KAT14: variants seen among roughly 807,000 people sequenced by gnomAD.
KAT14 encodes the protein cysteine-rich protein 2-binding protein.
Under a neutral mutation model 78.4 loss-of-function variants are expected in KAT14, and 66 were observed. The observed-to-expected ratio is 0.84, with a 90% CI of 0.69 to 1.03. The LOEUF (loss-of-function observed/expected upper bound fraction) is 1.03, where lower values mean the gene tolerates loss of function less well. Ranked by LOEUF, KAT14 falls within the 50% of genes least tolerant of loss-of-function variation. The pLI is 0.00. For missense variants in KAT14, 870 were observed against 972.5 expected (o/e 0.89, Z 1.40); for synonymous variants, 344 against 359.4 (o/e 0.96, Z 0.48).
At chr20:18,164,012 G>C (rs890797438) in intron 7 of KAT14, among the ~76,000 whole-genome samples, 2 of 152,220 alleles carry the variant, frequency 1.3e-5, no homozygotes, top group South Asian at 4.1e-4. Flanking sequence ...CAACTCTGCT[G>C]TTGTGATTGG....
intron 7 of KAT14, 81 bp downstream of exon 7, chr20:18,163,026 A>C (rs533501413): frequency 2.7e-6 from 4 of 1,484,448 alleles, no homozygotes; most frequent in Non-Finnish European, 3.6e-6. Context: ...GGACATGGTT[A>C]TGCTGTGACC....
intron 9 of KAT14, among the ~76,000 whole-genome samples, chr20:18,184,355 C>T (rs946982837): frequency 1.3e-5 from 2 of 152,088 alleles, no homozygotes; most frequent in Admixed American, 1.3e-4. Flanking sequence ...ATTCTGAACC[C>T]GTGCACTGCT....
intron 7 of KAT14, among the ~76,000 whole-genome samples, chr20:18,175,285 G>A (rs1425139407): frequency 6.6e-6 from 1 of 152,140 alleles, no homozygotes; most frequent in Non-Finnish European, 1.5e-5. Flanking sequence ...GCTGCCCAGA[G>A]TGGTATCCAC....
At chr20:18,165,910 A>G (rs150090648) in intron 7 of KAT14, among the ~76,000 whole-genome samples, 194 of 152,262 alleles carry the variant, frequency 1.3e-3, no homozygotes, top group African/African-American at 4.3e-3. Context: ...TGGGGTGGGC[A>G]TGGGTGGTGT....
intron 3 of KAT14, among the ~76,000 whole-genome samples, chr20:18,149,678 G>A (rs561006935): frequency 2.2e-4 from 33 of 152,242 alleles, no homozygotes; most frequent in Admixed American, 9.8e-4. Context: ...GCTCTTTATA[G>A]AAATAAGGAT....
chr20:18,138,208 G>T, intron 1 of KAT14, 157 bp downstream of exon 1: 4 of 1,272,348 alleles, frequency 3.1e-6, no homozygotes, highest in Non-Finnish European at 4.0e-6. Context: ...TGCGGCCGGC[G>T]GCCGCTCTGC....
In KAT14 at chr20:18,159,093, G is replaced by A. The variant is rs148217786; in HGVS notation, c.510G>A (p.Thr170=). ...TTCTTGGACTCTTTAGGAAAAAGAC[G>A]TCTACCTGGTGGAGCACCGTGGCAG... The part of the protein sequence containing the change: ...WTFLLGNRKK[T]STWWSTVAGC... Residue 170 remains threonine, a synonymous_variant, in exon 5 of 11, where the codon ACG becomes ACA. Coordinates refer to ENST00000688188, the MANE Select transcript of KAT14 (RefSeq NM_001392073.1). The A allele has an allele frequency of 1.1e-4, 173 of 1,597,316 alleles. No homozygotes were observed. The highest frequency in any genetic ancestry group is 3.0e-4 in the Admixed American group (16 of 53,064).
chr20:18,156,142 A>G (rs1049672561), intron 4 of KAT14, among the ~76,000 whole-genome samples: 6 of 152,192 alleles, frequency 3.9e-5, no homozygotes, highest in African/African-American at 1.4e-4. Context: ...ATCACAAGAA[A>G]ACAAACACTG....
chr20:18,140,946 C>A (rs1479176917), intron 1 of KAT14, among the ~76,000 whole-genome samples: 1 of 149,868 alleles, frequency 6.7e-6, no homozygotes, highest in Non-Finnish European at 1.5e-5. Context: ...CAGCCTGTGC[C>A]TCCCAGGCTG....
chr20:18,146,727 C>G (rs1223136912), intron 3 of KAT14, among the ~76,000 whole-genome samples: 2 of 151,974 alleles, frequency 1.3e-5, no homozygotes, highest in African/African-American at 4.8e-5. Flanking sequence ...CTCCTGTGGT[C>G]CCAGCTTCTC....
chr20:18,140,243 G>C (rs1298094864), intron 1 of KAT14, among the ~76,000 whole-genome samples: 1 of 151,940 alleles, frequency 6.6e-6, no homozygotes, highest in Non-Finnish European at 1.5e-5. Context: ...CTGCAGTTGG[G>C]GGAGTGGAAT....
Position 18,137,956 on chromosome 20 carries a change from A to C in KAT14, c.-549A>C. 1 of 1,485,232 alleles carries C rather than the reference A, an allele frequency of 6.7e-7. No homozygotes were observed. The highest frequency in any genetic ancestry group is 8.9e-7 in the Non-Finnish European group (1 of 1,125,196). 92.0% of individuals were successfully genotyped at this position (1,485,232 alleles called of 1,614,324 possible). ...AGAGGCCGCGGCCGCCAGCGTGGGG[A>C]TGTCTAGGAGCTCGAAGGTGGTGCT... On this transcript the variant is annotated 5_prime_UTR_variant, in exon 1 of 11. The change abolishes an upstream ATG in the 5' untranslated region. Coordinates refer to ENST00000688188, the MANE Select transcript of KAT14 (RefSeq NM_001392073.1).
At chr20:18,175,492 A>T (rs981482254) in intron 7 of KAT14, among the ~76,000 whole-genome samples, 24 of 152,082 alleles carry the variant, frequency 1.6e-4, no homozygotes, top group African/African-American at 5.5e-4. Context: ...ACTCGTACCC[A>T]GCCACCTGTC....
chr20:18,186,185 C>T (rs772173266), intron 10 of KAT14, among the ~76,000 whole-genome samples: 10 of 152,138 alleles, frequency 6.6e-5, no homozygotes, highest in Non-Finnish European at 1.3e-4. Flanking sequence ...TGAGTGTTTG[C>T]GAGGCCACTG....
chr20:18,172,972 C>A (rs1337009343), intron 7 of KAT14, among the ~76,000 whole-genome samples: 2 of 152,092 alleles, frequency 1.3e-5, no homozygotes, highest in Admixed American at 1.3e-4. Flanking sequence ...GTTTTCTCTC[C>A]GGTCAGCTGG....
At chr20:18,138,648 T>TCCATA in intron 1 of KAT14, 1 of 194,110 alleles carries the variant, frequency 5.2e-6, no homozygotes, top group Non-Finnish European at 9.4e-6. Flanking sequence ...ATGAACAGTT[T>TCCATA]GCTATGGAAA....
chr20:18,150,887 A>G lies in KAT14; in HGVS notation c.445A>G (p.Lys149Glu). ...TGGACGTCAAGGTTATTTCAGGTGG[A>G]AAGAAGATATCTGTGCTTTTATTGA... ...GSGRQGYFRW[K>E]EDICAFIEKH... The change falls in exon 4 of 11, where the codon AAA becomes GAA. Residue 149 changes from lysine (K) to glutamate (E), a missense_variant. Physicochemically the swap from Lys to Glu is moderately conservative, Grantham distance 56. Coordinates refer to ENST00000688188, the MANE Select transcript of KAT14 (RefSeq NM_001392073.1). The G allele has an allele frequency of 6.2e-7, 1 of 1,614,214 alleles. No individual in the cohort carries two copies. The highest frequency in any genetic ancestry group is 8.5e-7 in the Non-Finnish European group (1 of 1,180,034).
intron 3 of KAT14, among the ~76,000 whole-genome samples, chr20:18,149,845 G>A (rs1368705612): frequency 5.3e-5 from 8 of 152,064 alleles, no homozygotes; most frequent in Non-Finnish European, 5.9e-5. Context: ...AGCTACTTGG[G>A]AGGCTGAGGC....
chr20:18,151,936 G>A (rs1213567041), intron 4 of KAT14, among the ~76,000 whole-genome samples: 3 of 150,756 alleles, frequency 2.0e-5, no homozygotes, highest in African/African-American at 7.3e-5. Context: ...CCAGGAGGTG[G>A]AGGTTGCAGT....
Sources: gnomAD v4.1 joint callset for allele counts (sites outside exome capture counted in the v4.1 genomes callset) on GRCh38, gnomAD v4.1.1 for gene constraint, MANE v1.5 for transcripts, NCBI Gene and HGNC (gene_info 2026-07-23, HGNC 2026-07-21) for gene names.